The following FHIP1A variants were observed in gnomAD, a reference collection of about 807,000 sequenced individuals.
The protein encoded by FHIP1A is FHF complex subunit HOOK interacting protein 1A, also known as FHF complex subunit HOOK-interacting protein 1A.
Under a neutral mutation model 88.6 loss-of-function variants are expected in FHIP1A, and 61 were observed. The observed-to-expected ratio is 0.69, with a 90% CI of 0.56 to 0.85. The LOEUF (loss-of-function observed/expected upper bound fraction) is 0.85, where lower values mean the gene tolerates loss of function less well. FHIP1A is among the 40% of genes least tolerant of loss of function. The pLI, the probability that FHIP1A is intolerant of heterozygous loss-of-function variation, is 0.00. For synonymous variants in FHIP1A, 478 were observed against 496.0 expected, an observed-to-expected ratio of 0.96 and a Z score of 0.48; for missense variants, 1,154 against 1,273.5, an observed-to-expected ratio of 0.91 and a Z score of 1.43.
intron 11 of FHIP1A, among the ~76,000 whole-genome samples, chr4:151,652,128 A>G (rs534612748): frequency 6.6e-6 from 1 of 152,286 alleles, no homozygotes; most frequent in Non-Finnish European, 1.5e-5. Flanking sequence ...TTCCTGGGAA[A>G]TGTGTAAATA....
chr4:151,576,687 A>AT (rs1733804083), intron 4 of FHIP1A: 1 of 152,130 alleles, frequency 6.6e-6, no homozygotes, highest in South Asian at 2.1e-4. Context: ...CAAACCCTTC[A>AT]TTTTTTAGTT....
chr4:151,485,618 C>A (rs1299708831), intron 3 of FHIP1A, among the ~76,000 whole-genome samples: 2 of 145,384 alleles, frequency 1.4e-5, no homozygotes, highest in Admixed American at 1.4e-4. Flanking sequence ...TGAGACAAAT[C>A]CTCACTCTGG....
At chr4:151,572,358 C>G (rs942399674) in intron 4 of FHIP1A, among the ~76,000 whole-genome samples, 18 of 152,156 alleles carry the variant, frequency 1.2e-4, no homozygotes, top group African/African-American at 4.1e-4. Context: ...ACTCATAAGG[C>G]CTTTCCATAA....
rs188247313 is a variant in FHIP1A at position 151,525,154 on chromosome 4, G to T, written c.-122-40984G>T. Among the ~76,000 whole-genome samples, 259 of 152,264 alleles carry T rather than the reference G, an allele frequency of 1.7e-3. 1 individual carries two copies. The highest frequency in any genetic ancestry group is 5.9e-3 in the African/African-American group (244 of 41,548). ...AAACAAAAAGGAAAATTTACTGAAA[G>T]AATTCTAATAGGTTATGGAACTCAG... On this transcript the variant is annotated intron_variant, in intron 3 of 13. Transcript: ENST00000435205.
intron 3 of FHIP1A, among the ~76,000 whole-genome samples, chr4:151,539,450 G>A (rs943061190): frequency 3.3e-5 from 5 of 151,478 alleles, no homozygotes; most frequent in Non-Finnish European, 4.4e-5. Flanking sequence ...TCTAATCCCA[G>A]CTATTAGGAA....
intron 3 of FHIP1A, among the ~76,000 whole-genome samples, chr4:151,531,006 A>C (rs1422604443): frequency 6.6e-6 from 1 of 152,140 alleles, no homozygotes; most frequent in Non-Finnish European, 1.5e-5. Flanking sequence ...CTGCAGCAAC[A>C]CAGTAATGGA....
At chr4:151,421,223 G>A (rs1179030421) in intron 1 of FHIP1A, among the ~76,000 whole-genome samples, 1 of 152,180 alleles carries the variant, frequency 6.6e-6, no homozygotes, top group Non-Finnish European at 1.5e-5. Context: ...TGAGCTGTGT[G>A]TTCCCAGGAA....
At chr4:151,442,201 G>T (rs1275907454) in intron 1 of FHIP1A, among the ~76,000 whole-genome samples, 1 of 152,118 alleles carries the variant, frequency 6.6e-6, no homozygotes, top group Non-Finnish European at 1.5e-5. Flanking sequence ...TGGCTGATTG[G>T]TGCAGGGGAA....
chr4:151,578,303 G>A (rs981826521), intron 5 of FHIP1A, among the ~76,000 whole-genome samples: 34 of 152,126 alleles, frequency 2.2e-4, no homozygotes, highest in African/African-American at 8.0e-4. Flanking sequence ...GAGGCTAGAT[G>A]TGTTACCATT....
At chr4:151,608,695 G>T (rs1735177837) in intron 7 of FHIP1A, among the ~76,000 whole-genome samples, 1 of 152,108 alleles carries the variant, frequency 6.6e-6, no homozygotes, top group Non-Finnish European at 1.5e-5. Context: ...GCTGTCAAGG[G>T]TCTTAACCCA....
rs1737765464 is a variant in FHIP1A, at chr4:151,669,042, A to G, written c.*6288A>G. ...AAGGGTGAACCAGTAGACCAGACTA[A>G]ACGCACACTCATGCAAGAATGTAAA... On this transcript the variant is annotated 3_prime_UTR_variant, in exon 14 of 14. Transcript: ENST00000435205. 6.6e-6 allele frequency among the ~76,000 whole-genome samples: 1 copy of G among 152,240 alleles called. No homozygotes were observed. The highest frequency in any genetic ancestry group is 2.4e-5 in the African/African-American group (1 of 41,468).
At chr4:151,503,894 C>T (rs1730735744) in intron 3 of FHIP1A, among the ~76,000 whole-genome samples, 1 of 152,184 alleles carries the variant, frequency 6.6e-6, no homozygotes, top group Admixed American at 6.5e-5. Flanking sequence ...ATTCTGTTCC[C>T]ATCCTTAGGA....
intron 3 of FHIP1A, among the ~76,000 whole-genome samples, chr4:151,545,624 G>A (rs547857161): frequency 2.3e-4 from 35 of 151,964 alleles, no homozygotes; most frequent in African/African-American, 6.5e-4. Context: ...TGATCCACCG[G>A]CCTCAGCCTC....
At chr4:151,491,123 A>G (rs1301113570) in intron 3 of FHIP1A, among the ~76,000 whole-genome samples, 1 of 152,198 alleles carries the variant, frequency 6.6e-6, no homozygotes, top group Non-Finnish European at 1.5e-5. Flanking sequence ...AGACATCCAA[A>G]TATAAGAAGC....
chr4:151,434,757 A>G (rs1264316078), intron 1 of FHIP1A, among the ~76,000 whole-genome samples: 2 of 152,218 alleles, frequency 1.3e-5, no homozygotes, highest in Non-Finnish European at 2.9e-5. Context: ...CAGTGTATGC[A>G]GATCTTGCCT....
chr4:151,512,426 C>T (rs529237291), intron 3 of FHIP1A, among the ~76,000 whole-genome samples: 3 of 152,348 alleles, frequency 2.0e-5, no homozygotes, highest in African/African-American at 7.2e-5. Context: ...CAGCTCCTCA[C>T]CAGCAACGGA....
intron 3 of FHIP1A, among the ~76,000 whole-genome samples, chr4:151,502,169 A>AAG (rs1238153056): frequency 1.8e-4 from 27 of 150,848 alleles, no homozygotes; most frequent in Non-Finnish European, 3.1e-4. Context: ...AAAAAAAAAA[A>AAG]AAAAGAAAAG....
At chr4:151,574,806 T>C (rs1733721868) in intron 4 of FHIP1A, among the ~76,000 whole-genome samples, 1 of 152,232 alleles carries the variant, frequency 6.6e-6, no homozygotes, top group Admixed American at 6.5e-5. Flanking sequence ...ATTTTAATGA[T>C]ATAAAACGAA....
At chr4:151,481,111 A>T (rs1416520966) in intron 2 of FHIP1A, among the ~76,000 whole-genome samples, 1 of 152,042 alleles carries the variant, frequency 6.6e-6, no homozygotes, top group Non-Finnish European at 1.5e-5. Context: ...CCATCTAAAG[A>T]TAGGAACTAT....
Sources: gnomAD v4.1 joint callset for allele counts (sites outside exome capture counted in the v4.1 genomes callset) on GRCh38, gnomAD v4.1.1 for gene constraint, MANE v1.5 for transcripts, NCBI Gene and HGNC (gene_info 2026-07-23, HGNC 2026-07-21) for gene names.